ZNF43: variants seen among roughly 807,000 people sequenced by gnomAD.
ZNF43 encodes zinc finger protein 43.
ZNF43 carries 44 observed loss-of-function variants against 68.4 expected under a neutral mutation model. The observed-to-expected ratio is 0.64, with a 90% CI of 0.51 to 0.83. The LOEUF (loss-of-function observed/expected upper bound fraction) is 0.83, where lower values mean the gene tolerates loss of function less well. Among genes scored for constraint, ZNF43 ranks in the 40% least tolerant of loss-of-function variants. The pLI, the probability that ZNF43 is intolerant of heterozygous loss-of-function variation, is 0.00. For synonymous variants in ZNF43, 308 were observed against 307.8 expected (o/e 1.00, Z -0.01); for missense variants, 896 against 933.2 (o/e 0.96, Z 0.52).
intron 1 of ZNF43, among the ~76,000 whole-genome samples, chr19:21,835,793 C>T (rs1397771618): frequency 6.6e-6 from 1 of 152,228 alleles, no homozygotes; most frequent in Admixed American, 6.5e-5. Flanking sequence ...TTGGGAGAGA[C>T]GCCGCGTTGC....
chr19:21,829,711 T>C (rs947632579), intron 1 of ZNF43, among the ~76,000 whole-genome samples: 2 of 152,146 alleles, frequency 1.3e-5, no homozygotes, highest in Admixed American at 6.5e-5. Context: ...TATTTTCAGG[T>C]AGGATAATAA....
intron 1 of ZNF43, among the ~76,000 whole-genome samples, chr19:21,835,806 C>T (rs903518296): frequency 6.6e-6 from 1 of 152,230 alleles, no homozygotes; most frequent in African/African-American, 2.4e-5. Flanking sequence ...CGCGTTGCGG[C>T]TGCAGAGCTG....
At chr19:21,842,380 G>A (rs1967602092) in intron 1 of ZNF43, among the ~76,000 whole-genome samples, 1 of 146,346 alleles carries the variant, frequency 6.8e-6, no homozygotes, top group African/African-American at 2.5e-5. Context: ...CTGCACTCCA[G>A]CCTGGCAACA....
rs115368337 is a variant in ZNF43, at chr19:21,825,352, G to A, written c.4-6131C>T. ...GTTAAGGTTTAAGGTATGGGTTATA[G>A]TGTCCAGTGTGACATTATTAGTTTA... is the stretch of plus-strand genomic sequence containing the variant. On this transcript the variant is annotated intron_variant, in intron 1 of 3. Coordinates refer to ENST00000354959, the MANE Select transcript of ZNF43 (RefSeq NM_003423.4). Among the ~76,000 whole-genome samples the A allele has an allele frequency of 8.7e-3, 1,322 of 152,280 alleles. 24 individuals are homozygous for A. The highest frequency in any genetic ancestry group is 0.03 in the African/African-American group (1,256 of 41,542).
chr19:21,839,331 C>CAAAAAAAAAAAAAAAAAAA (rs61335194), upstream of ZNF43, among the ~76,000 whole-genome samples: 2 of 28,300 alleles, frequency 7.1e-5, 1 homozygote, highest in African/African-American at 2.3e-4. Flanking sequence ...AGAGATCAGG[C>CAAAAAAAAAAAAAAAAAAA]AAAAAAAAAA....
chr19:21,851,870 C>G lies in ZNF43; in HGVS notation c.30+35G>C, dbSNP rs73929082. The G allele has an allele frequency of 2.9e-3, 4,549 of 1,556,228 alleles. 110 individuals carry two copies. The African/African-American group carries it at 0.054, about 19-fold the overall frequency. On this transcript the variant is annotated intron_variant, in intron 1 of 3. Coordinates refer to the ZNF43 transcript ENST00000357491. ...GGTCCCGCCACTTTCACAGCCTGCT[C>G]TCCCCTCTCGGGATGCCTAACCCCG...
At chr19:21,848,218 A>C (rs1261618124) in intron 1 of ZNF43, among the ~76,000 whole-genome samples, 1 of 152,084 alleles carries the variant, frequency 6.6e-6, no homozygotes, top group Non-Finnish European at 1.5e-5. Flanking sequence ...ATGTCGGCTC[A>C]CTGCAACCAC....
At position 21,836,095 on chromosome 19, in the gene ZNF43, G is replaced by C. The variant is rs2038717254; in HGVS notation, c.-57C>G. 2 of 1,612,646 alleles carry C rather than the reference G, an allele frequency of 1.2e-6. No homozygotes were observed. Among genetic ancestry groups the C allele is most frequent in the Non-Finnish European group, 1.7e-6 (2 of 1,179,020 alleles). ...GCTGTGGATCCCCCAATACCCGCAG[G>C]TCACAGAGCCACAGAGGCTGGACCT... On this transcript the variant is annotated 5_prime_UTR_variant, in exon 1 of 4. Transcript: ENST00000354959.
At position 21,809,322 on chromosome 19, in the gene ZNF43, A is replaced by T; in HGVS notation, c.715T>A (p.Phe239Ile). The change falls in exon 4 of 4, where the codon TTT becomes ATT. Residue 239 changes from phenylalanine to isoleucine, a missense_variant. Phe to Ile is a conservative substitution (Grantham distance 21, BLOSUM62 0). Coordinates refer to ENST00000354959, the MANE Select transcript of ZNF43 (RefSeq NM_003423.4). The part of the protein sequence containing the change: ...PYTCEECGKV[F>I]NWSSRLTTHK... ...GTAGTAAGGCGTGAGGACCAATTAAAGACTTTGCCACATTCTTCACATGTG... is the reference window on the plus strand; with the variant it reads ...GTAGTAAGGCGTGAGGACCAATTAATGACTTTGCCACATTCTTCACATGTG... The T allele has an allele frequency of 6.2e-7, 1 of 1,613,740 alleles. No individual in the cohort carries two copies. Among genetic ancestry groups the T allele is most frequent in the African/African-American group, 1.3e-5 (1 of 74,958 alleles).
chr19:21,846,817 T>G (rs1967985756), intron 1 of ZNF43, among the ~76,000 whole-genome samples: 1 of 152,168 alleles, frequency 6.6e-6, no homozygotes, highest in African/African-American at 2.4e-5. Flanking sequence ...ATGCCACCCC[T>G]AGGCAGGGTC....
chr19:21,811,522 G>A lies in ZNF43; in HGVS notation c.230-1715C>T, dbSNP rs182163575. ...TGCACTCCAGCCTGGGCAACAGAGC[G>A]AGACTCTGTCTCTAAAAAAAAAAAC... On this transcript the variant is annotated intron_variant, in intron 3 of 3. Coordinates refer to ENST00000354959, the MANE Select transcript of ZNF43 (RefSeq NM_003423.4). Among the ~76,000 whole-genome samples the A allele has an allele frequency of 8.1e-4, 120 of 147,728 alleles. 1 individual carries two copies. Among genetic ancestry groups the A allele is most frequent in the Non-Finnish European group, 1.4e-3 (93 of 67,356 alleles).
At chr19:21,817,826 T>C in intron 3 of ZNF43, 62 bp downstream of exon 3, 2 of 1,508,040 alleles carry the variant, frequency 1.3e-6, no homozygotes, top group South Asian at 1.2e-5. Context: ...AAGGACTGGC[T>C]TTCCCCTTAA....
intron 1 of ZNF43, among the ~76,000 whole-genome samples, chr19:21,831,433 C>G (rs2038420748): frequency 1.3e-5 from 2 of 152,034 alleles, no homozygotes; most frequent in Admixed American, 6.6e-5. Context: ...ACAATCTCAG[C>G]TCACTGAAAC....
At position 21,807,017 on chromosome 19, in the gene ZNF43, T is replaced by G. The variant is rs182466589; in HGVS notation, c.*590A>C. The G allele has an allele frequency of 5.3e-5, 8 of 152,362 alleles. No individual in the cohort carries two copies. The East Asian group carries it at 1.5e-3, about 29-fold the overall frequency. The allele number at this position is 152,362 out of a possible 1,614,324, so 9.4% of individuals were successfully genotyped here. On this transcript the variant is annotated 3_prime_UTR_variant, in exon 4 of 4. Coordinates refer to ENST00000354959, the MANE Select transcript of ZNF43 (RefSeq NM_003423.4). ...TTTTTCTCCAATATAAATTCCCTGA[T>G]GTTGAATAAACTTTGTACTATCAAC...
chr19:21,812,104 A>G (rs2037302650), intron 3 of ZNF43: 2 of 397,378 alleles, frequency 5.0e-6, no homozygotes, highest in Non-Finnish European at 8.9e-6. Context: ...ATATTCCTTA[A>G]TATTCATAAT....
At chr19:21,837,970 A>G (rs1184542864), upstream of ZNF43, 1 of 152,148 alleles carries the variant, frequency 6.6e-6, no homozygotes, top group African/African-American at 2.4e-5. Context: ...AAAAGTCTGG[A>G]TTCTTGAGTC....
At chr19:21,838,735 C>T (rs926826918), upstream of ZNF43, 1 of 152,104 alleles carries the variant, frequency 6.6e-6, no homozygotes, top group Non-Finnish European at 1.5e-5. Context: ...CTCATTTACT[C>T]TAGACTTTTT....
rs559190150 is a variant in ZNF43, at chr19:21,835,433, C to G, written c.3+603G>C. On this transcript the variant is annotated intron_variant, in intron 1 of 3. Transcript: ENST00000354959. ...AGTGCAATGGCGCGATCTCGGCTCA[C>G]TGCATCCTCCGCCTCCTGGGTTCAA... Among the ~76,000 whole-genome samples the G allele has an allele frequency of 1.7e-4, 25 of 145,006 alleles. No homozygotes were observed. The East Asian group carries it at 5.0e-3, about 29-fold the overall frequency.
In ZNF43 at chr19:21,809,266, G is replaced by A; in HGVS notation, c.771C>T (p.Leu257=). ...THKKNYTRYK[L]YKCEECGKAF... ...CTTTGCCACATTCTTCACATTTGTA[G>A]AGTTTGTATCTAGTATAATTTTTTT... Residue 257 remains leucine, a synonymous_variant, in exon 4 of 4, where the codon CTC becomes CTT. Transcript: ENST00000354959. 2 of 1,613,512 alleles carry A rather than the reference G, an allele frequency of 1.2e-6. No homozygotes were observed. The highest frequency in any genetic ancestry group is 1.7e-6 in the Non-Finnish European group (2 of 1,179,830).
Sources: gnomAD v4.1 joint callset for allele counts (sites outside exome capture counted in the v4.1 genomes callset) on GRCh38, gnomAD v4.1.1 for gene constraint, MANE v1.5 for transcripts, NCBI Gene and HGNC (gene_info 2026-07-23, HGNC 2026-07-21) for gene names.